LARGE1: variants seen among roughly 807,000 people sequenced by gnomAD.
LARGE1 encodes xylosyl- and glucuronyltransferase LARGE1.
A neutral mutation model predicts 87.6 loss-of-function variants in LARGE1; 43 were observed. The observed-to-expected ratio is 0.49, with a 90% CI of 0.38 to 0.63. LARGE1 has a LOEUF of 0.63. Ranked by LOEUF, LARGE1 falls within the 30% of genes least tolerant of loss-of-function variation. The pLI is 0.00. For missense variants in LARGE1, 802 were observed against 1,000.2 expected, an observed-to-expected ratio of 0.80 and a Z score of 2.67; for synonymous variants, 434 against 394.6, an observed-to-expected ratio of 1.10 and a Z score of -1.18.
intron 2 of LARGE1, among the ~76,000 whole-genome samples, chr22:33,741,780 T>C (rs1054938003): frequency 2.0e-5 from 3 of 152,194 alleles, no homozygotes; most frequent in Non-Finnish European, 4.4e-5. Flanking sequence ...AAGAGCTCTG[T>C]CCTGCAATCA....
At chr22:33,314,720 AG>A (rs1215144510) in intron 11 of LARGE1, among the ~76,000 whole-genome samples, 2 of 152,166 alleles carry the variant, frequency 1.3e-5, no homozygotes, top group African/African-American at 4.8e-5. Flanking sequence ...GTAGGAGCTG[AG>A]GGGGGATGAC....
chr22:33,319,676 G>A (rs1311503285), intron 10 of LARGE1, among the ~76,000 whole-genome samples: 5 of 152,140 alleles, frequency 3.3e-5, no homozygotes, highest in African/African-American at 1.2e-4. Context: ...GATTACAGGC[G>A]TGAGCTACCG....
rs191855309 is a variant in LARGE1 at position 33,458,200 on chromosome 22, G to A, written c.788-25935C>T. Among the ~76,000 whole-genome samples, 784 of 150,000 alleles carry A rather than the reference G, an allele frequency of 5.2e-3. 7 individuals are homozygous for A. The highest frequency in any genetic ancestry group is 0.018 in the African/African-American group (729 of 40,714). On this transcript the variant is annotated intron_variant, in intron 6 of 14. Transcript: ENST00000397394. Reference sequence around the variant, plus strand: ...CGGCTCACTGCAAGCTCCATCTCCCGGGTTCATGCCATTCTCCTGCCTCAG... The same window carrying A: ...CGGCTCACTGCAAGCTCCATCTCCCAGGTTCATGCCATTCTCCTGCCTCAG...
chr22:33,668,135 T>C (rs1467388625), intron 2 of LARGE1, among the ~76,000 whole-genome samples: 3 of 152,356 alleles, frequency 2.0e-5, no homozygotes, highest in Middle Eastern at 3.4e-3. Flanking sequence ...ATTTCACTGC[T>C]TTATGGAATA....
intron 1 of LARGE1, among the ~76,000 whole-genome samples, chr22:33,765,986 C>T (rs900434166): frequency 2.0e-4 from 30 of 152,080 alleles, no homozygotes; most frequent in African/African-American, 7.2e-4. Context: ...AAAAATATTC[C>T]TTCATGAATT....
chr22:33,556,608 C>G lies in LARGE1; in HGVS notation c.787+8240G>C, dbSNP rs1236268173. Among the ~76,000 whole-genome samples, 197 of 109,068 alleles carry G rather than the reference C, an allele frequency of 1.8e-3. 5 individuals are homozygous for G. Among genetic ancestry groups the G allele is most frequent in the Middle Eastern group, 6.0e-3 (1 of 168 alleles). 71.6% of individuals were successfully genotyped at this position (109,068 alleles called of 152,430 possible). A position where few individuals can be genotyped will look rare whatever the true frequency, so the allele number is the denominator to read the frequency against. ...GCAGGAAGGCAGGCAGGTAGGGAGG[C>G]AGGGAAGGAGGGAAGGAGGGAGAAA... On this transcript the variant is annotated intron_variant, in intron 6 of 14. Transcript: ENST00000397394.
chr22:33,265,483 T>G (rs1370859214), intron 11 of LARGE1, among the ~76,000 whole-genome samples: 1 of 152,150 alleles, frequency 6.6e-6, no homozygotes, highest in East Asian at 1.9e-4. Flanking sequence ...GTTAGAATAA[T>G]TTTTTCCTTA....
At chr22:33,115,783 C>T in the LARGE1 span, among the ~76,000 whole-genome samples, 2 of 144,050 alleles carry the variant, frequency 1.4e-5, no homozygotes, top group African/African-American at 2.6e-5. Flanking sequence ...CACCACTGCA[C>T]TCCAGCCTGG....
intron 2 of LARGE1, among the ~76,000 whole-genome samples, chr22:33,739,066 T>C (rs1407830068): frequency 6.6e-6 from 1 of 151,740 alleles, no homozygotes; most frequent in Non-Finnish European, 1.5e-5. Flanking sequence ...ACGTACTTAC[T>C]CTCTCAGGCC....
At chr22:33,549,721 G>C (rs1343210481) in intron 6 of LARGE1, among the ~76,000 whole-genome samples, 2 of 152,212 alleles carry the variant, frequency 1.3e-5, no homozygotes, top group African/African-American at 2.4e-5. Flanking sequence ...TCAAGTCAAA[G>C]AGCACATGGA....
chr22:33,147,926 C>T, the LARGE1 span, among the ~76,000 whole-genome samples: 1 of 152,066 alleles, frequency 6.6e-6, no homozygotes, highest in African/African-American at 2.4e-5. Flanking sequence ...TTTAAATGTC[C>T]CTACCAAAAT....
At chr22:33,192,008 T>C (rs1200574448) in intron 11 of LARGE1, among the ~76,000 whole-genome samples, 1 of 152,168 alleles carries the variant, frequency 6.6e-6, no homozygotes, top group African/African-American at 2.4e-5. Context: ...AACTGAACAT[T>C]AAGCATATCT....
intron 9 of LARGE1, among the ~76,000 whole-genome samples, chr22:33,350,730 T>C (rs1378892784): frequency 6.6e-6 from 1 of 152,212 alleles, no homozygotes; most frequent in East Asian, 1.9e-4. Flanking sequence ...TGCTCTTTTG[T>C]CTGCCCCGCA....
chr22:33,413,514 G>T (rs993087587), intron 7 of LARGE1, among the ~76,000 whole-genome samples: 2 of 151,806 alleles, frequency 1.3e-5, no homozygotes, highest in South Asian at 2.1e-4. Flanking sequence ...GCCCAGACTG[G>T]AGTGCAGTGG....
intron 2 of LARGE1, among the ~76,000 whole-genome samples, chr22:33,753,037 T>C (rs1309858738): frequency 2.6e-5 from 4 of 152,034 alleles, no homozygotes; most frequent in South Asian, 4.1e-4. Flanking sequence ...CTGGCCAACA[T>C]GATGAAAACC....
At chr22:33,714,014 AAC>A (rs2082835146) in intron 2 of LARGE1, among the ~76,000 whole-genome samples, 3 of 151,856 alleles carry the variant, frequency 2.0e-5, no homozygotes, top group Non-Finnish European at 4.4e-5. Context: ...AACATAACAT[AAC>A]ATAACATAAC....
At chr22:33,672,271 C>A (rs1173088201) in intron 2 of LARGE1, among the ~76,000 whole-genome samples, 1 of 152,198 alleles carries the variant, frequency 6.6e-6, no homozygotes, top group Non-Finnish European at 1.5e-5. Flanking sequence ...TGGCCACTCA[C>A]AACACCTCCC....
chr22:33,107,202 A>T, the LARGE1 span, among the ~76,000 whole-genome samples: 1 of 152,264 alleles, frequency 6.6e-6, no homozygotes, highest in East Asian at 1.9e-4. Flanking sequence ...AAAAACATTT[A>T]TTAATGACAT....
the LARGE1 span, among the ~76,000 whole-genome samples, chr22:33,121,137 GA>G: frequency 6.6e-6 from 1 of 152,118 alleles, no homozygotes. Flanking sequence ...TTGGTTGGGG[GA>G]AGGATAATGA....
Sources: allele counts gnomAD v4.1 joint callset (sites outside exome capture counted in the v4.1 genomes callset), GRCh38; gene constraint gnomAD v4.1.1; transcripts MANE v1.5; gene names NCBI Gene and HGNC (gene_info 2026-07-23, HGNC 2026-07-21).